Variants in ONECUT2 observed in about 807,000 individuals in gnomAD.
ONECUT2 encodes the protein one cut homeobox 2, also known as one cut domain family member 2.
A neutral mutation model predicts 27.9 loss-of-function variants in ONECUT2; 10 were observed. The observed-to-expected ratio is 0.36, with a 90% CI of 0.22 to 0.61. The LOEUF is 0.61. Ranked by LOEUF, ONECUT2 falls within the 20% of genes least tolerant of loss-of-function variation. ONECUT2 has a pLI of 0.73. For synonymous variants in ONECUT2, 334 were observed against 315.1 expected, an observed-to-expected ratio of 1.06 and a Z score of -0.64; for missense variants, 686 against 721.0, an observed-to-expected ratio of 0.95 and a Z score of 0.56.
intron 1 of ONECUT2, among the ~76,000 whole-genome samples, chr18:57,448,041 C>T (rs1361436488): frequency 1.3e-5 from 2 of 152,116 alleles, no homozygotes; most frequent in Non-Finnish European, 2.9e-5. Flanking sequence ...CTGACTCTGG[C>T]CTTTTTCAAT....
rs770719714 is a variant in ONECUT2 at position 57,476,415 on chromosome 18, CCTT to C, written c.1229-16_1229-14del. Reference sequence around the variant, plus strand: ...CTCAGGTGAGCCCACTGACTCCTCTCCTTCTTCTCTTTCCCTTCAAGCGTGCAA... The same window carrying C: ...CTCAGGTGAGCCCACTGACTCCTCTCCTTCTCTTTCCCTTCAAGCGTGCAA... On this transcript the variant is annotated intron_variant, in intron 1 of 1. Coordinates refer to ENST00000491143, the MANE Select transcript of ONECUT2 (RefSeq NM_004852.3). The C allele has an allele frequency of 7.5e-5, 121 of 1,610,104 alleles. No individual in the cohort carries two copies. In the East Asian group the frequency reaches 1.0e-3, roughly 13 times the overall value.
At chr18:57,464,382 T>C (rs144249375) in intron 1 of ONECUT2, among the ~76,000 whole-genome samples, 2 of 152,340 alleles carry the variant, frequency 1.3e-5, no homozygotes, top group African/African-American at 2.4e-5. Flanking sequence ...CATTGAATCA[T>C]AGTGGTGCTT....
intron 1 of ONECUT2, among the ~76,000 whole-genome samples, chr18:57,466,928 C>T (rs781402259): frequency 6.6e-6 from 1 of 152,200 alleles, no homozygotes; most frequent in South Asian, 2.1e-4. Flanking sequence ...CATCTCCACT[C>T]GGTGTACAGG....
chr18:57,438,586 C>G (rs909812997), intron 1 of ONECUT2, among the ~76,000 whole-genome samples: 8 of 152,210 alleles, frequency 5.3e-5, no homozygotes, highest in African/African-American at 1.9e-4. Flanking sequence ...GGAGTTTCCG[C>G]TTTGACAGCA....
At position 57,447,713 on chromosome 18, in the gene ONECUT2, T is replaced by C. The variant is rs554675787; in HGVS notation, c.1228+10769T>C. Among the ~76,000 whole-genome samples, 139 of 152,100 alleles carry C rather than the reference T, an allele frequency of 9.1e-4. 1 individual carries two copies. The highest frequency in any genetic ancestry group is 1.5e-3 in the Non-Finnish European group (100 of 68,020). The stretch of plus-strand genomic sequence containing the variant: ...CACCCCCCAGGTATACACAAACGGA[T>C]GCTTTTGTTTCCCCAGATGCATGCT... On this transcript the variant is annotated intron_variant, in intron 1 of 1. Coordinates refer to ENST00000491143, the MANE Select transcript of ONECUT2 (RefSeq NM_004852.3).
At chr18:57,458,790 A>G (rs1225277075) in intron 1 of ONECUT2, among the ~76,000 whole-genome samples, 1 of 152,022 alleles carries the variant, frequency 6.6e-6, no homozygotes, top group African/African-American at 2.4e-5. Context: ...TGTAATTTTG[A>G]TAGGCACTAC....
Position 57,490,598 on chromosome 18 carries a change from GACCGT to G in ONECUT2, c.*13878_*13882del, listed in dbSNP as rs751037293. ...AGCCTCCGTTGACCATATGCTCAAAGACCGTACTCTGCCACCTGCCTTCCAGGTAG... is the reference window on the plus strand; with the variant it reads ...AGCCTCCGTTGACCATATGCTCAAAGACTCTGCCACCTGCCTTCCAGGTAG... On this transcript the variant is annotated 3_prime_UTR_variant, in exon 2 of 2. Transcript: ENST00000491143. The G allele has an allele frequency of 6.6e-6, 1 of 152,130 alleles. No individual in the cohort carries two copies. The highest frequency in any genetic ancestry group is 1.5e-5 in the Non-Finnish European group (1 of 68,026). 9.4% of individuals were successfully genotyped at this position (152,130 alleles called of 1,614,324 possible).
chr18:57,477,868 C>T lies in ONECUT2; in HGVS notation c.*1145C>T, dbSNP rs925996838. ...TAGGGATGTTTTCTGTGTTTTCTAG[C>T]AAGAAAAAAAAATCAATCAATCAAA... is the stretch of plus-strand genomic sequence containing the variant. On this transcript the variant is annotated 3_prime_UTR_variant, in exon 2 of 2. Transcript: ENST00000491143. The T allele has an allele frequency of 2.6e-5, 4 of 152,016 alleles. No homozygotes were observed. Among genetic ancestry groups the T allele is most frequent in the African/African-American group, 9.7e-5 (4 of 41,252 alleles). 9.4% of individuals were successfully genotyped at this position (152,016 alleles called of 1,614,324 possible).
chr18:57,486,156 C>T lies in ONECUT2; in HGVS notation c.*9433C>T, dbSNP rs780049958. The T allele has an allele frequency of 6.5e-6, 1 of 152,856 alleles. No individual in the cohort carries two copies. The highest frequency in any genetic ancestry group is 1.5e-5 in the Non-Finnish European group (1 of 68,198). 9.5% of individuals were successfully genotyped at this position (152,856 alleles called of 1,614,324 possible). A position where few individuals can be genotyped will look rare whatever the true frequency, so the allele number is the denominator to read the frequency against. On this transcript the variant is annotated 3_prime_UTR_variant, in exon 2 of 2. Coordinates refer to ENST00000491143, the MANE Select transcript of ONECUT2 (RefSeq NM_004852.3). ...GGCAGACCTCTCCTCAGCAATCCCC[C>T]CAGCCTCATGCTTCACTTGCAAAGT...
chr18:57,438,466 C>A (rs148242908), intron 1 of ONECUT2, among the ~76,000 whole-genome samples: 1 of 152,232 alleles, frequency 6.6e-6, no homozygotes, highest in Admixed American at 6.5e-5. Context: ...ACCCCCGATC[C>A]CCCGGGCTTT....
chr18:57,459,838 C>T (rs1377403131), intron 1 of ONECUT2, among the ~76,000 whole-genome samples: 5 of 152,216 alleles, frequency 3.3e-5, no homozygotes, highest in Admixed American at 2.0e-4. Context: ...GGATTATAGG[C>T]GTGAGCCACC....
Position 57,469,721 on chromosome 18 carries a change from A to G in ONECUT2, c.1229-6716A>G, listed in dbSNP as rs529024836. ...GTAAGACTTGAAATCATGAACTCTT[A>G]ACCTCTCCTTACACACCTTCTTTCT... On this transcript the variant is annotated intron_variant, in intron 1 of 1. Transcript: ENST00000491143. 2.0e-5 allele frequency among the ~76,000 whole-genome samples: 3 copies of G among 152,332 alleles called. No individual in the cohort carries two copies. The South Asian group carries it at 6.2e-4, about 32-fold the overall frequency.
intron 1 of ONECUT2, among the ~76,000 whole-genome samples, chr18:57,458,128 A>T (rs1224428055): frequency 6.6e-6 from 1 of 152,080 alleles, no homozygotes; most frequent in African/African-American, 2.4e-5. Context: ...TAATAATAAA[A>T]AAAAGTTCTG....
chr18:57,470,934 G>T (rs941359308), intron 1 of ONECUT2, among the ~76,000 whole-genome samples: 2 of 152,142 alleles, frequency 1.3e-5, no homozygotes, highest in African/African-American at 4.8e-5. Flanking sequence ...AATATCCAAA[G>T]ACTTTTGTTA....
chr18:57,460,099 AT>A (rs1049566139), intron 1 of ONECUT2, among the ~76,000 whole-genome samples: 1 of 150,796 alleles, frequency 6.6e-6, no homozygotes, highest in Non-Finnish European at 1.5e-5. Flanking sequence ...ATTTTATTTT[AT>A]TTTTTTCATA....
At position 57,479,946 on chromosome 18, in the gene ONECUT2, T is replaced by C. The variant is rs1016779466; in HGVS notation, c.*3223T>C. 2.0e-5 allele frequency: 3 copies of C among 152,132 alleles called. No homozygotes were observed. Among genetic ancestry groups the C allele is most frequent in the Non-Finnish European group, 4.4e-5 (3 of 68,032 alleles). 9.4% of individuals were successfully genotyped at this position (152,132 alleles called of 1,614,324 possible). A position where few individuals can be genotyped will look rare whatever the true frequency, so the allele number is the denominator to read the frequency against. On this transcript the variant is annotated 3_prime_UTR_variant, in exon 2 of 2. Transcript: ENST00000491143. Reference sequence around the variant, plus strand: ...ATTTCCTCAGGGTGGTAATTACCAATTCGTATTTTGACAAGCCTATGTGCA... The same window carrying C: ...ATTTCCTCAGGGTGGTAATTACCAACTCGTATTTTGACAAGCCTATGTGCA...
intron 1 of ONECUT2, among the ~76,000 whole-genome samples, chr18:57,472,201 T>A (rs2050357885): frequency 1.3e-5 from 2 of 152,172 alleles, no homozygotes; most frequent in African/African-American, 4.8e-5. Flanking sequence ...ATTGACACTT[T>A]CCTGGCTGTT....
chr18:57,444,561 C>T (rs562304748), intron 1 of ONECUT2: 1 of 403,340 alleles, frequency 2.5e-6, no homozygotes, highest in East Asian at 7.2e-5. Flanking sequence ...GTCCCCACCC[C>T]CCAGGGTGAG....
chr18:57,470,989 G>A (rs938973465), intron 1 of ONECUT2, among the ~76,000 whole-genome samples: 4 of 152,194 alleles, frequency 2.6e-5, no homozygotes, highest in Non-Finnish European at 4.4e-5. Context: ...CTTTCTGGCC[G>A]GGGAAGCTAC....
Sources: allele counts gnomAD v4.1 joint callset (sites outside exome capture counted in the v4.1 genomes callset), GRCh38; gene constraint gnomAD v4.1.1; transcripts MANE v1.5; gene names NCBI Gene and HGNC (gene_info 2026-07-23, HGNC 2026-07-21).